Variants in CRIP2 observed in about 807,000 individuals in gnomAD.
The protein encoded by CRIP2 is cysteine rich protein 2.
A neutral mutation model predicts 31.3 loss-of-function variants in CRIP2; 31 were observed. That is an observed-to-expected ratio of 0.99 (90% CI 0.74 to 1.34). CRIP2 has a LOEUF of 1.34. Ranked by LOEUF, CRIP2 falls within the 40% of genes most tolerant of loss-of-function variation. CRIP2 has a pLI of 0.00. For synonymous variants in CRIP2, 177 were observed against 127.2 expected (o/e 1.39, Z -2.63); for missense variants, 389 against 301.6 (o/e 1.29, Z -2.15).
At chr14:105,479,363 G>C in intron 6 of CRIP2, 73 bp from the exon 7 acceptor site, 1 of 1,599,828 alleles carries the variant, frequency 6.3e-7, no homozygotes, top group Admixed American at 1.7e-5. Flanking sequence ...CGGCCTGCAC[G>C]TTCTGGAAGC....
At chr14:105,476,222 G>A in intron 1 of CRIP2, 1 of 985,486 alleles carries the variant, frequency 1.0e-6, no homozygotes, top group Non-Finnish European at 1.2e-6. Context: ...GCCAGCCTGG[G>A]GCTCTCCAGG....
At chr14:105,479,344 A>G in intron 6 of CRIP2, 92 bp from the exon 7 acceptor site, 2 of 1,574,152 alleles carry the variant, frequency 1.3e-6, no homozygotes, top group Non-Finnish European at 1.7e-6. Flanking sequence ...CCTCTCCCCC[A>G]CGGCGAGCCG....
chr14:105,476,835 C>T (rs587654133), intron 1 of CRIP2: 126 of 910,810 alleles, frequency 1.4e-4, no homozygotes, highest in Admixed American at 1.9e-4. Context: ...GGAGGCTGGC[C>T]CTGGCCATGC....
chr14:105,474,321 A>C (rs2083888225), upstream of CRIP2: 1 of 151,042 alleles, frequency 6.6e-6, no homozygotes, highest in South Asian at 2.1e-4. This position sits in a 1 kb window ranked among gnomAD's most constrained non-coding sequence, Gnocchi z 5.1. Context: ...TTGCTATGGA[A>C]ACCGAGCAAC....
In CRIP2 at chr14:105,476,392, C is replaced by T. The variant is rs893753282; in HGVS notation, c.43+1487C>T. 109 of 985,408 alleles carry T rather than the reference C, an allele frequency of 1.1e-4. 1 individual carries two copies. Among genetic ancestry groups the T allele is most frequent in the Admixed American group, 3.7e-4 (6 of 16,276 alleles). 61.0% of individuals were successfully genotyped at this position (985,408 alleles called of 1,614,324 possible). A position where few individuals can be genotyped will look rare whatever the true frequency, so the allele number is the denominator to read the frequency against. On this transcript the variant is annotated intron_variant, in intron 1 of 7. Coordinates refer to ENST00000329146, the MANE Select transcript of CRIP2 (RefSeq NM_001312.4). ...TCCAGAATCCTGCCCACCCTCACACCAGGCTGCCCCCGCAGCTCATACCTG... is the reference window on the plus strand; with the variant it reads ...TCCAGAATCCTGCCCACCCTCACACTAGGCTGCCCCCGCAGCTCATACCTG...
Position 105,478,595 on chromosome 14 carries a change from C to T in CRIP2, c.196+88C>T. ...GGGGAGGGCTGGGGGTCCCGGCCGC[C>T]GTGGATCCCCGCCCAGAGTCCCTGC... On this transcript the variant is annotated intron_variant, in intron 3 of 7. Transcript: ENST00000329146. This position sits in a 1 kb window ranked among gnomAD's most constrained non-coding sequence, Gnocchi z 4.9. 1 of 1,527,346 alleles carries T rather than the reference C, an allele frequency of 6.5e-7. No homozygotes were observed. Among genetic ancestry groups the T allele is most frequent in the Non-Finnish European group, 8.8e-7 (1 of 1,135,774 alleles). 94.6% of individuals were successfully genotyped at this position (1,527,346 alleles called of 1,614,324 possible).
upstream of CRIP2, chr14:105,472,961 G>A (rs2083868090): frequency 5.4e-6 from 3 of 560,246 alleles, no homozygotes; most frequent in Admixed American, 3.1e-5. Context: ...TCTTCTGGCA[G>A]GGCTGGGGAC....
Position 105,479,684 on chromosome 14 carries a change from C to A in CRIP2, c.*31C>A. Reference sequence around the variant, plus strand: ...AGCGGCTCTCATGATGTGGGCTCACCTGCGCCCCAGACCCTGCAGGGGCCC... The same window carrying A: ...AGCGGCTCTCATGATGTGGGCTCACATGCGCCCCAGACCCTGCAGGGGCCC... On this transcript the variant is annotated 3_prime_UTR_variant, in exon 8 of 8. Transcript: ENST00000329146. 2 of 1,600,670 alleles carry A rather than the reference C, an allele frequency of 1.2e-6. No homozygotes were observed. Among genetic ancestry groups the A allele is most frequent in the East Asian group, 2.3e-5 (1 of 44,186 alleles).
At chr14:105,477,470 C>T (rs934681416) in intron 1 of CRIP2, 11 of 984,828 alleles carry the variant, frequency 1.1e-5, no homozygotes, top group Non-Finnish European at 1.3e-5. Context: ...TCTGGGGCTG[C>T]ACCTTTGACT....
At position 105,478,253 on chromosome 14, in the gene CRIP2, C is replaced by T. The variant is rs1471524517; in HGVS notation, c.44-13C>T. ...GCCCCGGCCCTGACCCCCCTGCCGC[C>T]CCTCCCGCTCAGCCGAGAAGGTGAG... On this transcript the variant is annotated splice_polypyrimidine_tract_variant and intron_variant, in intron 1 of 7. Coordinates refer to ENST00000329146, the MANE Select transcript of CRIP2 (RefSeq NM_001312.4). This position sits in a 1 kb window ranked among gnomAD's most constrained non-coding sequence, Gnocchi z 4.9. 12 of 1,532,896 alleles carry T rather than the reference C, an allele frequency of 7.8e-6. No homozygotes were observed. In the East Asian group the frequency reaches 1.5e-4, roughly 19 times the overall value. The allele number at this position is 1,532,896 out of a possible 1,614,324, so 95.0% of individuals were successfully genotyped here.
intron 1 of CRIP2, 131 bp downstream of exon 1, chr14:105,475,036 G>A: frequency 9.1e-7 from 1 of 1,098,430 alleles, no homozygotes; most frequent in Non-Finnish European, 1.2e-6. Flanking sequence ...GCGCGTCCCG[G>A]AGGCTGGCTG....
intron 1 of CRIP2, chr14:105,476,080 C>G: frequency 1.0e-6 from 1 of 985,608 alleles, no homozygotes. Flanking sequence ...TTCCGGCTGC[C>G]TCTCCTGGAG....
chr14:105,474,080 C>A (rs1555435242), upstream of CRIP2: 1 of 157,282 alleles, frequency 6.4e-6, no homozygotes, highest in African/African-American at 2.4e-5. The surrounding 1 kb of genome is among the most constrained non-coding windows in gnomAD (Gnocchi z 5.1). Context: ...CCCTTCCCTG[C>A]CTGGGAGGCA....
At chr14:105,475,564 T>C (rs940885076) in intron 1 of CRIP2, among the ~76,000 whole-genome samples, 1 of 152,178 alleles carries the variant, frequency 6.6e-6, no homozygotes, top group Non-Finnish European at 1.5e-5. Context: ...CCCGCGAACG[T>C]GAGAGGGACC....
rs367581179 is a variant in CRIP2, at chr14:105,479,464, C to T, written c.530C>T (p.Pro177Leu). ...GACGGCCAGCCCTACTGCCACAAGC[C>T]CTGCTATGGAATCCTCTTCGGACCC... ...EHDGQPYCHK[P>L]CYGILFGPKG... Residue 177 changes from proline to leucine, a missense_variant, in exon 7 of 8, where the codon CCC (proline) becomes CTC (leucine). Coordinates refer to ENST00000329146, the MANE Select transcript of CRIP2 (RefSeq NM_001312.4). 2 of 1,612,854 alleles carry T rather than the reference C, an allele frequency of 1.2e-6. No individual in the cohort carries two copies. The highest frequency in any genetic ancestry group is 1.7e-5 in the Admixed American group (1 of 60,004).
At position 105,479,451 on chromosome 14, in the gene CRIP2, T is replaced by A; in HGVS notation, c.517T>A (p.Tyr173Asn). 1 of 1,612,838 alleles carries A rather than the reference T, an allele frequency of 6.2e-7. No individual in the cohort carries two copies. Among genetic ancestry groups the A allele is most frequent in the Non-Finnish European group, 8.5e-7 (1 of 1,179,942 alleles). ...TCTGCCCCAGCACGACGGCCAGCCC[T>A]ACTGCCACAAGCCCTGCTATGGAAT... Reference protein sequence around the residue: ...GGHAEHDGQPYCHKPCYGILF... With the variant: ...GGHAEHDGQPNCHKPCYGILF... Residue 173 changes from tyrosine (Y) to asparagine (N), a missense_variant, in exon 7 of 8, where the codon TAC (tyrosine) becomes AAC (asparagine). By Grantham distance (143) the Tyr-to-Asn change is moderately radical. Coordinates refer to ENST00000329146, the MANE Select transcript of CRIP2 (RefSeq NM_001312.4).
At chr14:105,473,286 C>T (rs1555435125), upstream of CRIP2, 6 of 1,508,020 alleles carry the variant, frequency 4.0e-6, no homozygotes, top group Non-Finnish European at 5.3e-6. Context: ...TGGCACAGGT[C>T]CCAAGTGCAG....
rs2083899192 is a variant in CRIP2, at chr14:105,474,910, G to A, written c.43+5G>A. ...GCGACAAGACCGTGTACTTCGGTGA[G>A]TGCGTGCCCGCTCCCGGCCCGCTCG... On this transcript the variant is annotated splice_donor_5th_base_variant and intron_variant, in intron 1 of 7. Coordinates refer to ENST00000329146, the MANE Select transcript of CRIP2 (RefSeq NM_001312.4). The surrounding 1 kb of genome is among the most constrained non-coding windows in gnomAD (Gnocchi z 5.1). 2.0e-6 allele frequency: 3 copies of A among 1,516,142 alleles called. No individual in the cohort carries two copies. Among genetic ancestry groups the A allele is most frequent in the African/African-American group, 2.9e-5 (2 of 69,184 alleles). The allele number at this position is 1,516,142 out of a possible 1,614,324, so 93.9% of individuals were successfully genotyped here.
rs1555436749 is a variant in CRIP2 at position 105,479,213 on chromosome 14, C to T, written c.495C>T (p.His165=). Residue 165 remains histidine, a synonymous_variant, in exon 6 of 8, where the codon CAC becomes CAT. Transcript: ENST00000329146. ...RCGKTLTPGG[H]AEHDGQPYCH... The stretch of plus-strand genomic sequence containing the variant: ...GGAAGACACTGACCCCCGGCGGGCA[C>T]GCGGAGGTGAGGGGAGTGCAACGGG... 6.2e-7 allele frequency: 1 copy of T among 1,609,770 alleles called. No individual in the cohort carries two copies. Among genetic ancestry groups the T allele is most frequent in the Non-Finnish European group, 8.5e-7 (1 of 1,178,846 alleles).
Sources: allele counts gnomAD v4.1 joint callset (sites outside exome capture counted in the v4.1 genomes callset), GRCh38; gene constraint gnomAD v4.1.1; non-coding constraint Gnocchi (gnomAD v3.1); transcripts MANE v1.5; gene names NCBI Gene and HGNC (gene_info 2026-07-23, HGNC 2026-07-21).